Variants in TOX observed in about 807,000 individuals in gnomAD.
TOX encodes thymocyte selection-associated high mobility group box protein TOX.
TOX carries 11 observed loss-of-function variants against 53.7 expected under a neutral mutation model. The observed-to-expected ratio is 0.20, with a 90% CI of 0.13 to 0.34. TOX has a LOEUF of 0.34. TOX is among the 10% of genes least tolerant of loss of function. TOX has a pLI of 1.00. For missense variants in TOX, 570 were observed against 664.6 expected, an observed-to-expected ratio of 0.86 and a Z score of 1.56; for synonymous variants, 225 against 245.3, an observed-to-expected ratio of 0.92 and a Z score of 0.77.
intron 7 of TOX, among the ~76,000 whole-genome samples, chr8:58,813,341 C>A (rs922171744): frequency 6.6e-6 from 1 of 152,196 alleles, no homozygotes; most frequent in Non-Finnish European, 1.5e-5. Flanking sequence ...ACAGCTCCAG[C>A]CCGCAGCATG....
intron 1 of TOX, among the ~76,000 whole-genome samples, chr8:58,996,643 C>G (rs1315721883): frequency 6.6e-6 from 1 of 152,080 alleles, no homozygotes; most frequent in African/African-American, 2.4e-5. Flanking sequence ...ACTTTTTGTA[C>G]TAAATTATAT....
intron 3 of TOX, among the ~76,000 whole-genome samples, chr8:58,865,709 G>A (rs1811085220): frequency 6.6e-6 from 1 of 151,802 alleles, no homozygotes; most frequent in Admixed American, 6.6e-5. Context: ...CTAATTGAGA[G>A]TATTGTTTGG....
chr8:59,078,687 G>C (rs1353328510), intron 1 of TOX, among the ~76,000 whole-genome samples: 2 of 152,138 alleles, frequency 1.3e-5, no homozygotes, highest in Non-Finnish European at 2.9e-5. Flanking sequence ...CAGAAAATTG[G>C]TACCTAGGAG....
chr8:58,881,048 C>T (rs779950359), intron 3 of TOX, among the ~76,000 whole-genome samples: 2 of 152,006 alleles, frequency 1.3e-5, no homozygotes, highest in Non-Finnish European at 2.9e-5. Flanking sequence ...CCACAGGGGC[C>T]TCCCCTGTGT....
chr8:58,909,232 A>C (rs1350169612), intron 3 of TOX, among the ~76,000 whole-genome samples: 1 of 152,224 alleles, frequency 6.6e-6, no homozygotes, highest in African/African-American at 2.4e-5. Flanking sequence ...TCTTCTTGCT[A>C]TTCAAAATGT....
chr8:59,004,526 A>G (rs904498177), intron 1 of TOX, among the ~76,000 whole-genome samples: 2 of 152,240 alleles, frequency 1.3e-5, no homozygotes, highest in Non-Finnish European at 2.9e-5. Context: ...TGCATGCATT[A>G]TAATAATTAG....
At chr8:59,040,800 T>C (rs1427872813) in intron 1 of TOX, among the ~76,000 whole-genome samples, 1 of 152,218 alleles carries the variant, frequency 6.6e-6, no homozygotes, top group African/African-American at 2.4e-5. Flanking sequence ...GAGCTGGTGC[T>C]GCCTCTGGGC....
At position 58,941,686 on chromosome 8, in the gene TOX, A is replaced by G. The variant is rs113695584; in HGVS notation, c.169-2142T>C. Among the ~76,000 whole-genome samples the G allele has an allele frequency of 6.7e-3, 1,028 of 152,302 alleles. 6 individuals carry two copies. Among genetic ancestry groups the G allele is most frequent in the African/African-American group, 0.024 (983 of 41,574 alleles). On this transcript the variant is annotated intron_variant, in intron 2 of 8. Transcript: ENST00000361421. ...CTGAAATTATATGAACATAGATTTC[A>G]TAATTTGTCTGTCAACACTGCAAAT...
At chr8:59,056,917 C>T (rs977616678) in intron 1 of TOX, among the ~76,000 whole-genome samples, 2 of 152,212 alleles carry the variant, frequency 1.3e-5, no homozygotes, top group African/African-American at 4.8e-5. Flanking sequence ...TGCACACTTA[C>T]TTGAACAGAT....
chr8:58,859,558 C>T (rs1423700849), intron 3 of TOX, among the ~76,000 whole-genome samples: 2 of 152,088 alleles, frequency 1.3e-5, no homozygotes, highest in African/African-American at 2.4e-5. Flanking sequence ...AAAGTAAGAA[C>T]CCTGGAGCAC....
intron 1 of TOX, among the ~76,000 whole-genome samples, chr8:59,105,032 C>CA (rs1250492902): frequency 3.3e-5 from 5 of 152,070 alleles, no homozygotes; most frequent in Non-Finnish European, 4.4e-5. Flanking sequence ...ACTCTGTGTT[C>CA]AAAAAATGCT....
intron 1 of TOX, among the ~76,000 whole-genome samples, chr8:58,987,232 G>A (rs764964700): frequency 6.6e-6 from 1 of 152,146 alleles, no homozygotes; most frequent in Non-Finnish European, 1.5e-5. Context: ...CCAAACCAAG[G>A]AGGCACTTGC....
intron 1 of TOX, among the ~76,000 whole-genome samples, chr8:59,030,672 C>G (rs1328683072): frequency 6.6e-6 from 1 of 152,176 alleles, no homozygotes; most frequent in Non-Finnish European, 1.5e-5. Flanking sequence ...GTTACTGAGG[C>G]TACTGGCTCC....
At chr8:58,987,306 G>A (rs529124822) in intron 1 of TOX, among the ~76,000 whole-genome samples, 1 of 152,324 alleles carries the variant, frequency 6.6e-6, no homozygotes, top group East Asian at 1.9e-4. Flanking sequence ...CCAGCACTGT[G>A]AGGAGAAAGG....
At chr8:58,811,171 A>C (rs1300693907) in intron 7 of TOX, among the ~76,000 whole-genome samples, 1 of 152,226 alleles carries the variant, frequency 6.6e-6, no homozygotes, top group South Asian at 2.1e-4. Context: ...TGTAGCACTC[A>C]GTAAATATTG....
chr8:58,945,786 C>T (rs1812513759), intron 2 of TOX, among the ~76,000 whole-genome samples: 1 of 152,088 alleles, frequency 6.6e-6, no homozygotes, highest in African/African-American at 2.4e-5. Flanking sequence ...TATATGCTAA[C>T]CAGGAATAAA....
At chr8:59,003,259 C>T (rs1254722168) in intron 1 of TOX, among the ~76,000 whole-genome samples, 1 of 152,182 alleles carries the variant, frequency 6.6e-6, no homozygotes, top group Middle Eastern at 3.4e-3. Flanking sequence ...TTTTCAATGC[C>T]TTTTTTCTAT....
Position 58,838,198 on chromosome 8 carries a change from C to T in TOX, c.807G>A (p.Ala269=), listed in dbSNP as rs376393252. 3.5e-5 allele frequency: 56 copies of T among 1,614,074 alleles called. No homozygotes were observed. The highest frequency in any genetic ancestry group is 9.9e-5 in the South Asian group (9 of 91,088). ...CGGCCTGAGTATCACGAAAGAATAA[C>T]GCATAGGCAGACACAGGCTTCTGGG... The part of the protein sequence containing the change: ...NEPQKPVSAY[A]LFFRDTQAAI... Residue 269 remains alanine, a synonymous_variant, in exon 5 of 9, where the codon GCG becomes GCA. Coordinates refer to ENST00000361421, the MANE Select transcript of TOX (RefSeq NM_014729.3).
chr8:58,865,867 C>CTTTTTTTTTTTTT (rs1563373948), intron 3 of TOX, among the ~76,000 whole-genome samples: 1 of 55,778 alleles, frequency 1.8e-5, no homozygotes, highest in Non-Finnish European at 3.5e-5. Flanking sequence ...CAGAGTCTCA[C>CTTTTTTTTTTTTT]TCTGTCGTCC....
Sources: gnomAD v4.1 joint callset for allele counts (sites outside exome capture counted in the v4.1 genomes callset) on GRCh38, gnomAD v4.1.1 for gene constraint, MANE v1.5 for transcripts, NCBI Gene and HGNC (gene_info 2026-07-23, HGNC 2026-07-21) for gene names.